The following LRRC4C variants were observed in gnomAD, a reference collection of about 807,000 sequenced individuals.
LRRC4C encodes the protein leucine-rich repeat-containing protein 4C.
In LRRC4C, 5 loss-of-function variants were observed where a neutral mutation model predicts 33.6. That is an observed-to-expected ratio of 0.15 (90% CI 0.08 to 0.31). The LOEUF is 0.31. Ranked by LOEUF, LRRC4C falls within the 10% of genes least tolerant of loss-of-function variation. The pLI, the probability that LRRC4C is intolerant of heterozygous loss-of-function variation, is 1.00. For missense variants in LRRC4C, 560 were observed against 796.7 expected (o/e 0.70, Z 3.58); for synonymous variants, 329 against 302.0 (o/e 1.09, Z -0.93).
At chr11:40,715,140 G>A (rs909277283) in intron 2 of LRRC4C, among the ~76,000 whole-genome samples, 7 of 152,126 alleles carry the variant, frequency 4.6e-5, no homozygotes, top group African/African-American at 1.4e-4. Flanking sequence ...GTAGTGAAAA[G>A]AATGAGCTGA....
intron 2 of LRRC4C, among the ~76,000 whole-genome samples, chr11:40,743,626 T>C (rs1176761869): frequency 6.6e-6 from 1 of 152,036 alleles, no homozygotes; most frequent in African/African-American, 2.4e-5. Flanking sequence ...TTTTGGAGGG[T>C]CATTATCTTT....
chr11:40,627,452 A>G (rs903719536), intron 3 of LRRC4C, among the ~76,000 whole-genome samples: 8 of 152,200 alleles, frequency 5.3e-5, no homozygotes, highest in Non-Finnish European at 1.0e-4. Flanking sequence ...ACTTTGGAAG[A>G]AAGTGAGCCT....
At chr11:40,816,772 C>A (rs546873637) in intron 2 of LRRC4C, among the ~76,000 whole-genome samples, 1 of 152,118 alleles carries the variant, frequency 6.6e-6, no homozygotes, top group African/African-American at 2.4e-5. Context: ...TTTAAATAAC[C>A]TTAAAATTGA....
intron 2 of LRRC4C, among the ~76,000 whole-genome samples, chr11:40,688,834 G>C (rs1555145490): frequency 6.6e-6 from 1 of 152,064 alleles, no homozygotes; most frequent in Non-Finnish European, 1.5e-5. Flanking sequence ...TCTGCAAAGA[G>C]AGCAAGCAAT....
intron 1 of LRRC4C, among the ~76,000 whole-genome samples, chr11:41,306,906 G>A (rs1299886375): frequency 6.6e-6 from 1 of 152,140 alleles, no homozygotes; most frequent in Non-Finnish European, 1.5e-5. Flanking sequence ...AGAGATCAAA[G>A]AGAGAATCAA....
At chr11:40,466,908 T>G (rs1281090378) in intron 3 of LRRC4C, among the ~76,000 whole-genome samples, 1 of 152,112 alleles carries the variant, frequency 6.6e-6, no homozygotes, top group African/African-American at 2.4e-5. Context: ...TAGGTCTTGA[T>G]CGCTCATGTT....
At chr11:40,619,028 A>C (rs1045037510) in intron 3 of LRRC4C, among the ~76,000 whole-genome samples, 1 of 151,908 alleles carries the variant, frequency 6.6e-6, no homozygotes. Context: ...ACTTTAGAGA[A>C]ATAAACCAGG....
intron 1 of LRRC4C, among the ~76,000 whole-genome samples, chr11:41,414,561 A>G (rs1565654768): frequency 6.6e-6 from 1 of 151,874 alleles, no homozygotes; most frequent in Non-Finnish European, 1.5e-5. Context: ...GTCTTCCATT[A>G]AAGTCTGTAA....
intron 1 of LRRC4C, among the ~76,000 whole-genome samples, chr11:41,198,358 C>A (rs2136245450): frequency 6.6e-6 from 1 of 152,010 alleles, no homozygotes; most frequent in Non-Finnish European, 1.5e-5. Context: ...AAACATAATT[C>A]TAGGTATAAA....
chr11:40,857,286 T>G (rs1953836616), intron 2 of LRRC4C, among the ~76,000 whole-genome samples: 1 of 152,202 alleles, frequency 6.6e-6, no homozygotes, highest in African/African-American at 2.4e-5. Flanking sequence ...TTTGCTGTAC[T>G]CATCAACCTA....
At chr11:40,212,962 C>T (rs2135843788) in intron 5 of LRRC4C, among the ~76,000 whole-genome samples, 1 of 152,146 alleles carries the variant, frequency 6.6e-6, no homozygotes, top group South Asian at 2.1e-4. Flanking sequence ...GAAAATGATT[C>T]CCAGGCTACC....
chr11:41,359,608 T>A (rs1952280266), intron 1 of LRRC4C, among the ~76,000 whole-genome samples: 1 of 152,156 alleles, frequency 6.6e-6, no homozygotes, highest in African/African-American at 2.4e-5. Flanking sequence ...AACATAGGCA[T>A]GCAAAAATTG....
chr11:40,236,253 T>A (rs1865547639), intron 5 of LRRC4C, among the ~76,000 whole-genome samples: 1 of 152,174 alleles, frequency 6.6e-6, no homozygotes, highest in African/African-American at 2.4e-5. Context: ...AGTCAATTAT[T>A]TCAGATGAAA....
intron 2 of LRRC4C, among the ~76,000 whole-genome samples, chr11:40,747,056 C>T (rs1948462475): frequency 6.6e-6 from 1 of 152,148 alleles, no homozygotes; most frequent in African/African-American, 2.4e-5. Context: ...CCTGCCTTTA[C>T]CAGCTAACAC....
intron 1 of LRRC4C, among the ~76,000 whole-genome samples, chr11:41,262,657 T>A (rs1051912758): frequency 1.3e-5 from 2 of 152,174 alleles, no homozygotes; most frequent in Non-Finnish European, 2.9e-5. Context: ...CCTTATTTTT[T>A]ATTTTATTTT....
intron 1 of LRRC4C, among the ~76,000 whole-genome samples, chr11:41,441,545 C>T (rs1201750572): frequency 6.7e-6 from 1 of 150,358 alleles, no homozygotes; most frequent in Admixed American, 6.6e-5. Context: ...GTAGAGATAC[C>T]CAAATTGACT....
At chr11:41,239,639 C>G (rs1204151919) in intron 1 of LRRC4C, among the ~76,000 whole-genome samples, 2 of 152,056 alleles carry the variant, frequency 1.3e-5, no homozygotes, top group African/African-American at 4.8e-5. Flanking sequence ...TTACATACTC[C>G]ATTCTGTCCA....
chr11:40,801,663 C>T (rs1325666848), intron 2 of LRRC4C, among the ~76,000 whole-genome samples: 2 of 152,108 alleles, frequency 1.3e-5, no homozygotes, highest in Non-Finnish European at 2.9e-5. Context: ...TTTAATCTCT[C>T]ACAGTTACTT....
At position 41,364,238 on chromosome 11, in the gene LRRC4C, G is replaced by C. The variant is rs183986832; in HGVS notation, c.-496+95193C>G. On this transcript the variant is annotated intron_variant, in intron 1 of 6. Transcript: ENST00000528697. ...CTGCTATTCACTAGAATTAAATTTA[G>C]TTTAAAATCTTAAGGCAAAATTTTT... Among the ~76,000 whole-genome samples the C allele has an allele frequency of 2.9e-4, 44 of 152,252 alleles. No individual in the cohort carries two copies. In the South Asian group the frequency reaches 8.1e-3, roughly 28 times the overall value.
Sources: allele counts gnomAD v4.1 joint callset (sites outside exome capture counted in the v4.1 genomes callset), GRCh38; gene constraint gnomAD v4.1.1; transcripts MANE v1.5; gene names NCBI Gene and HGNC (gene_info 2026-07-23, HGNC 2026-07-21).